GGA1: variants seen among roughly 807,000 people sequenced by gnomAD.
The protein encoded by GGA1 is golgi associated, gamma adaptin ear containing, ARF binding protein 1.
A neutral mutation model predicts 76.9 loss-of-function variants in GGA1; 18 were observed. That is an observed-to-expected ratio of 0.23 (90% CI 0.16 to 0.35). The LOEUF is 0.35. Ranked by LOEUF, GGA1 falls within the 10% of genes least tolerant of loss-of-function variation. The probability of loss-of-function intolerance (pLI) is 1.00; values close to 1 mark genes in which losing one functional copy is unlikely to be tolerated. For missense variants in GGA1, 755 were observed against 859.0 expected (o/e 0.88, Z 1.51); for synonymous variants, 342 against 354.7 (o/e 0.96, Z 0.40).
At chr22:37,618,174 C>A in intron 3 of GGA1, 2 of 340,310 alleles carry the variant, frequency 5.9e-6, no homozygotes, top group Non-Finnish European at 1.1e-5. Flanking sequence ...ACAGTTGGTA[C>A]TCAGATGTGG....
chr22:37,612,128 C>A (rs1569196772), intron 1 of GGA1, among the ~76,000 whole-genome samples: 1 of 151,548 alleles, frequency 6.6e-6, no homozygotes, highest in Non-Finnish European at 1.5e-5. Flanking sequence ...TGCACTCCAG[C>A]CTGGGCAACA....
At chr22:37,612,992 G>C in intron 1 of GGA1, 1 of 985,396 alleles carries the variant, frequency 1.0e-6, no homozygotes, top group Non-Finnish European at 1.2e-6. Context: ...CCCTTTGCCT[G>C]CCCTCAGCTG....
intron 7 of GGA1, 70 bp downstream of exon 7, chr22:37,621,766 C>T (rs1929941976): frequency 1.0e-6 from 1 of 966,398 alleles, no homozygotes; most frequent in Non-Finnish European, 1.6e-6. Context: ...TGAGATGGGG[C>T]TGTATGCATC....
rs1394638336 is a variant in GGA1 at position 37,625,949 on chromosome 22, G to A, written c.1093G>A (p.Gly365Ser). Residue 365 changes from glycine (G) to serine (S), a missense_variant and splice_region_variant, in exon 11 of 17, where the codon GGC becomes AGC. Physicochemically the swap from Gly to Ser is moderately conservative, Grantham distance 56. Transcript: ENST00000343632. This position sits in a 1 kb window ranked among gnomAD's most constrained non-coding sequence, Gnocchi z 4.1. The stretch of plus-strand genomic sequence containing the variant: ...GCTTGACGACGAGCTCATGTCTCTG[G>A]GTGAGGAAGGGGCCAGGCCTGGAGG... ...SLLDDELMSL[G>S]LSDPTPPSGP... The A allele has an allele frequency of 6.3e-7, 1 of 1,590,112 alleles. No individual in the cohort carries two copies. The highest frequency in any genetic ancestry group is 8.6e-7 in the Non-Finnish European group (1 of 1,169,470).
chr22:37,609,220 T>G (rs1478395296), intron 1 of GGA1: 4 of 1,242,800 alleles, frequency 3.2e-6, no homozygotes, highest in Non-Finnish European at 4.1e-6. Context: ...TCACATTGCT[T>G]CACGGAGTAG....
intron 4 of GGA1, chr22:37,619,942 C>T: frequency 1.5e-6 from 1 of 666,612 alleles, no homozygotes; most frequent in East Asian, 2.7e-5. Context: ...GATGTCAAGG[C>T]TAAGTCCCCA....
At chr22:37,616,180 A>G (rs1928758832) in intron 2 of GGA1, among the ~76,000 whole-genome samples, 1 of 152,140 alleles carries the variant, frequency 6.6e-6, no homozygotes, top group Admixed American at 6.5e-5. Context: ...AGGCGATACT[A>G]AAGTTTCGGG....
rs768090679 is a variant in GGA1, at chr22:37,631,987, C to G, written c.1529-9C>G. ...AGCTGTCCCATCGCCCTCCCACCTT[C>G]TCCCACAGGCAACATCCTGCCCGTG... On this transcript the variant is annotated splice_polypyrimidine_tract_variant and intron_variant, in intron 14 of 16. Coordinates refer to ENST00000343632, the MANE Select transcript of GGA1 (RefSeq NM_013365.5). 1 of 1,597,764 alleles carries G rather than the reference C, an allele frequency of 6.3e-7. No individual in the cohort carries two copies. Among genetic ancestry groups the G allele is most frequent in the Admixed American group, 1.7e-5 (1 of 59,608 alleles).
At position 37,630,090 on chromosome 22, in the gene GGA1, C is replaced by G. The variant is rs1415612165; in HGVS notation, c.1251C>G (p.Ser417Arg). The G allele has an allele frequency of 6.2e-7, 1 of 1,610,622 alleles. No homozygotes were observed. Among genetic ancestry groups the G allele is most frequent in the Admixed American group, 1.7e-5 (1 of 59,884 alleles). The change falls in exon 13 of 17, where the codon AGC becomes AGG. Residue 417 changes from serine (S) to arginine (R), a missense_variant. Coordinates refer to ENST00000343632, the MANE Select transcript of GGA1 (RefSeq NM_013365.5). ...RPPAQTSLPA[S>R]SGLDDLDLLG... ...CAGCGCAGACATCCCTGCCAGCAAGCAGCGGTCTGGACGACCTAGACCTCC... is the reference window on the plus strand; with the variant it reads ...CAGCGCAGACATCCCTGCCAGCAAGGAGCGGTCTGGACGACCTAGACCTCC...
chr22:37,609,063 C>T, intron 1 of GGA1, 160 bp downstream of exon 1: 2 of 1,489,042 alleles, frequency 1.3e-6, no homozygotes, highest in Non-Finnish European at 1.8e-6. Flanking sequence ...GACCCTGGAG[C>T]GATGGAGGAC....
At chr22:37,610,894 C>T (rs1436697008) in intron 1 of GGA1, among the ~76,000 whole-genome samples, 4 of 152,216 alleles carry the variant, frequency 2.6e-5, no homozygotes, top group Non-Finnish European at 4.4e-5. Flanking sequence ...GATCTGGAGG[C>T]CCTGGCTTTC....
Position 37,615,926 on chromosome 22 carries a change from C to T in GGA1, c.129-996C>T, listed in dbSNP as rs564875005. ...CACGATCTCGGCTCACTGCAAGCTC[C>T]GCCTCCCAGGTTCACGCGGTTCTCC... On this transcript the variant is annotated intron_variant, in intron 2 of 16. Transcript: ENST00000343632. Among the ~76,000 whole-genome samples the T allele has an allele frequency of 5.3e-5, 8 of 151,642 alleles. No homozygotes were observed. The East Asian group carries it at 7.9e-4, about 15-fold the overall frequency.
intron 12 of GGA1, among the ~76,000 whole-genome samples, 162 bp from the exon 13 acceptor site, chr22:37,629,836 C>G (rs1306511932): frequency 6.6e-6 from 1 of 152,196 alleles, no homozygotes; most frequent in African/African-American, 2.4e-5. Context: ...CAACCAGACC[C>G]AGCCACCCTG....
Position 37,624,731 on chromosome 22 carries a change from G to A in GGA1, c.833-238G>A, listed in dbSNP as rs962546168. ...GGAGTGGAGGCCTGGAGGCGGGAGC[G>A]GGCCCAGTGTGTTGAGACAGCCCAG... On this transcript the variant is annotated intron_variant, in intron 9 of 16. Coordinates refer to ENST00000343632, the MANE Select transcript of GGA1 (RefSeq NM_013365.5). The surrounding 1 kb of genome is among the most constrained non-coding windows in gnomAD (Gnocchi z 4.3). 4.2e-5 allele frequency: 20 copies of A among 477,666 alleles called. No homozygotes were observed. Among genetic ancestry groups the A allele is most frequent in the African/African-American group, 2.6e-4 (13 of 50,894 alleles). The allele number at this position is 477,666 out of a possible 1,614,324, so 29.6% of individuals were successfully genotyped here.
chr22:37,631,932 G>A (rs1931869806), intron 14 of GGA1, 64 bp from the exon 15 acceptor site: 6 of 1,458,928 alleles, frequency 4.1e-6, no homozygotes, highest in Non-Finnish European at 5.6e-6. Context: ...CCGGGTGGGG[G>A]CTGGGGGCTG....
intron 12 of GGA1, 48 bp downstream of exon 12, chr22:37,629,574 A>G (rs1374213643): frequency 8.3e-7 from 1 of 1,199,126 alleles, no homozygotes; most frequent in Non-Finnish European, 1.2e-6. Context: ...TCCCAGGGTC[A>G]GGGCAGCTGG....
At chr22:37,617,623 A>C (rs1442165429) in intron 3 of GGA1, 13 of 760,292 alleles carry the variant, frequency 1.7e-5, no homozygotes, top group Non-Finnish European at 2.1e-5. Flanking sequence ...TGCTTGAGGC[A>C]AGGAGTTCAA....
chr22:37,616,113 A>G (rs947386941), intron 2 of GGA1, among the ~76,000 whole-genome samples: 2 of 151,986 alleles, frequency 1.3e-5, no homozygotes, highest in Non-Finnish European at 2.9e-5. Flanking sequence ...AAGTGCTGGG[A>G]TTACAGGCAT....
intron 1 of GGA1, among the ~76,000 whole-genome samples, chr22:37,612,077 AC>A (rs1376995802): frequency 1.3e-5 from 2 of 151,836 alleles, no homozygotes; most frequent in African/African-American, 4.8e-5. Context: ...AATCGTTTGA[AC>A]CCAGGAAGCT....
Sources: allele counts gnomAD v4.1 joint callset (sites outside exome capture counted in the v4.1 genomes callset), GRCh38; gene constraint gnomAD v4.1.1; non-coding constraint Gnocchi (gnomAD v3.1); transcripts MANE v1.5; gene names NCBI Gene and HGNC (gene_info 2026-07-23, HGNC 2026-07-21).